The following CREB5 variants were observed in gnomAD, a reference collection of about 807,000 sequenced individuals.
CREB5 encodes the protein cyclic AMP-responsive element-binding protein 5.
Under a neutral mutation model 57.1 loss-of-function variants are expected in CREB5, and 19 were observed. The ratio of observed to expected loss-of-function variants is 0.33; its 90% CI spans 0.23 to 0.49. CREB5 has a LOEUF of 0.49. Among genes scored for constraint, CREB5 ranks in the 20% least tolerant of loss-of-function variants. CREB5 has a pLI of 0.99. For missense variants in CREB5, 579 were observed against 671.6 expected (o/e 0.86, Z 1.52); for synonymous variants, 238 against 238.3 (o/e 1.00, Z 0.01).
chr7:28,513,703 CAG>C (rs1792815286), intron 4 of CREB5: 2 of 152,194 alleles, frequency 1.3e-5, no homozygotes, highest in African/African-American at 4.8e-5. Flanking sequence ...GCATCCCACT[CAG>C]GGGAATGACT....
chr7:28,444,306 C>T (rs971640839), intron 1 of CREB5, among the ~76,000 whole-genome samples: 11 of 152,144 alleles, frequency 7.2e-5, no homozygotes, highest in Admixed American at 4.6e-4. Context: ...GAAGATTGGA[C>T]GCATCTTTTC....
chr7:28,492,480 A>G (rs1434335889), intron 2 of CREB5, among the ~76,000 whole-genome samples: 1 of 152,038 alleles, frequency 6.6e-6, no homozygotes, highest in African/African-American at 2.4e-5. Context: ...CAGACTGTAT[A>G]TTTTTGTTAT....
intron 1 of CREB5, among the ~76,000 whole-genome samples, chr7:28,419,780 T>C (rs1351886010): frequency 6.6e-6 from 1 of 152,170 alleles, no homozygotes; most frequent in Non-Finnish European, 1.5e-5. Flanking sequence ...TTAAAAGATA[T>C]TGTGAGATTA....
chr7:28,369,235 G>C (rs993874455), intron 1 of CREB5, among the ~76,000 whole-genome samples: 5 of 152,154 alleles, frequency 3.3e-5, no homozygotes, highest in Non-Finnish European at 5.9e-5. Context: ...AATTTTTACT[G>C]TTTGCTACAG....
At chr7:28,379,877 G>A (rs576069676) in intron 1 of CREB5, among the ~76,000 whole-genome samples, 46 of 152,270 alleles carry the variant, frequency 3.0e-4, no homozygotes, top group Non-Finnish European at 3.4e-4. Context: ...TTCTGCAGGA[G>A]GAGTTCGGAA....
At chr7:28,666,471 T>C (rs936086846) in intron 5 of CREB5, among the ~76,000 whole-genome samples, 19 of 152,226 alleles carry the variant, frequency 1.2e-4, no homozygotes, top group African/African-American at 4.1e-4. Flanking sequence ...CCTTTCCTGA[T>C]GTTAACGGAT....
At chr7:28,413,226 C>A (rs1165696430) in intron 1 of CREB5, among the ~76,000 whole-genome samples, 1 of 151,608 alleles carries the variant, frequency 6.6e-6, no homozygotes, top group African/African-American at 2.4e-5. Flanking sequence ...GCATGAATTC[C>A]CCTTTCTGTG....
chr7:28,694,811 A>G (rs1433386957), intron 5 of CREB5, among the ~76,000 whole-genome samples: 1 of 152,206 alleles, frequency 6.6e-6, no homozygotes. Context: ...CCTCCTGAGT[A>G]GCCAGGGTTA....
intron 5 of CREB5, among the ~76,000 whole-genome samples, chr7:28,631,294 T>A (rs1407926323): frequency 6.6e-6 from 1 of 152,104 alleles, no homozygotes; most frequent in Non-Finnish European, 1.5e-5. Flanking sequence ...CTGTGTGGAG[T>A]GTAATCAAAA....
intron 1 of CREB5, among the ~76,000 whole-genome samples, chr7:28,381,009 G>C (rs1786956011): frequency 6.6e-6 from 1 of 152,090 alleles, no homozygotes; most frequent in South Asian, 2.1e-4. Flanking sequence ...ATAAAACTAG[G>C]GGGCAGGTGG....
intron 4 of CREB5, among the ~76,000 whole-genome samples, chr7:28,560,895 TGCGTGCGCGCGTGCGTGTGC>T (rs1795154290): frequency 7.5e-5 from 2 of 26,668 alleles, no homozygotes; most frequent in African/African-American, 2.8e-4. Context: ...TGCGTGTGTG[TGCGTGCGCGCGTGCGTGTGC>T]GTGTGTGCGC....
chr7:28,528,715 A>C, intron 4 of CREB5, among the ~76,000 whole-genome samples: 1 of 151,308 alleles, frequency 6.6e-6, no homozygotes, highest in African/African-American at 2.4e-5. Context: ...AAAAAAAAAA[A>C]AAAAAAAAAA....
At chr7:28,807,625 T>A (rs769168463) in intron 8 of CREB5, among the ~76,000 whole-genome samples, 2 of 152,144 alleles carry the variant, frequency 1.3e-5, no homozygotes, top group Non-Finnish European at 2.9e-5. Context: ...GCAATTACAG[T>A]CATTCTGATT....
chr7:28,613,372 G>A (rs773443338), intron 5 of CREB5, among the ~76,000 whole-genome samples: 10 of 152,172 alleles, frequency 6.6e-5, no homozygotes, highest in Non-Finnish European at 1.5e-4. Context: ...AGCCTGAGTG[G>A]GAACAGACTG....
chr7:28,341,659 G>T (rs1785939662), intron 1 of CREB5, among the ~76,000 whole-genome samples: 1 of 152,192 alleles, frequency 6.6e-6, no homozygotes, highest in African/African-American at 2.4e-5. Flanking sequence ...TGCTGGATGT[G>T]CAACGTAAGA....
intron 1 of CREB5, among the ~76,000 whole-genome samples, chr7:28,363,302 A>G (rs1490816416): frequency 6.6e-6 from 1 of 152,116 alleles, no homozygotes; most frequent in Non-Finnish European, 1.5e-5. Flanking sequence ...CAAGCACATA[A>G]TTTTCCTTTG....
rs140604154 is a variant in CREB5, at chr7:28,816,507, A to T, written c.1255-1564A>T. ...AGTCATTTTTATTTTGTAAAAATAA[A>T]GTTTGGAAGAGAAAGGGAATGAGAT... is the stretch of plus-strand genomic sequence containing the variant. On this transcript the variant is annotated intron_variant, in intron 9 of 10. Transcript: ENST00000357727. Among the ~76,000 whole-genome samples, 141 of 152,344 alleles carry T rather than the reference A, an allele frequency of 9.3e-4. 1 individual carries two copies. The East Asian group carries it at 0.014, about 16-fold the overall frequency.
chr7:28,605,344 CT>C (rs898411108), intron 5 of CREB5, among the ~76,000 whole-genome samples: 1 of 152,132 alleles, frequency 6.6e-6, no homozygotes, highest in African/African-American at 2.4e-5. Context: ...TGTATTTTGC[CT>C]GAATCCATCT....
chr7:28,464,341 A>G (rs1790469777), intron 1 of CREB5, among the ~76,000 whole-genome samples: 1 of 152,178 alleles, frequency 6.6e-6, no homozygotes, highest in Admixed American at 6.5e-5. Context: ...CCTTGATATC[A>G]GGCAATCATG....
Sources: gnomAD v4.1 joint callset for allele counts (sites outside exome capture counted in the v4.1 genomes callset) on GRCh38, gnomAD v4.1.1 for gene constraint, MANE v1.5 for transcripts, NCBI Gene and HGNC (gene_info 2026-07-23, HGNC 2026-07-21) for gene names.